CHD7: variants seen among roughly 807,000 people sequenced by gnomAD.
The protein encoded by CHD7 is chromodomain helicase DNA binding protein 7.
A neutral mutation model predicts 307.3 loss-of-function variants in CHD7; 24 were observed. That is an observed-to-expected ratio of 0.08 (90% CI 0.06 to 0.11). The LOEUF (loss-of-function observed/expected upper bound fraction) is 0.11. Ranked by LOEUF, CHD7 falls within the 10% of genes least tolerant of loss-of-function variation. The probability of loss-of-function intolerance (pLI) is 1.00; values close to 1 mark genes in which losing one functional copy is unlikely to be tolerated. For synonymous variants in CHD7, 1,363 were observed against 1,349.9 expected (o/e 1.01, Z -0.21); for missense variants, 3,106 against 3,727.1 (o/e 0.83, Z 4.34).
In CHD7 at chr8:60,801,560, A is replaced by C; in HGVS notation, c.2409A>C (p.Glu803Asp). 1.3e-6 allele frequency: 2 copies of C among 1,575,870 alleles called. No homozygotes were observed. Among genetic ancestry groups the C allele is most frequent in the Non-Finnish European group, 1.7e-6 (2 of 1,159,364 alleles). The change falls in exon 6 of 38, where the codon GAA (glutamate) becomes GAC (aspartate). Residue 803 changes from glutamate (E) to aspartate (D), a missense_variant. Glu to Asp is a conservative substitution (Grantham distance 45). Transcript: ENST00000423902. ...TTGATGCAGAAGGCCCAGTGGTAGA[A>C]AAAATTATGAGCAGTCGTTCAGTAA... ...ESVDAEGPVV[E>D]KIMSSRSVKK...
intron 8 of CHD7, among the ~76,000 whole-genome samples, chr8:60,817,294 G>A (rs1483255749): frequency 6.6e-6 from 1 of 152,180 alleles, no homozygotes; most frequent in Non-Finnish European, 1.5e-5. Context: ...TAGACTTTAT[G>A]TAAAAGAAGC....
intron 2 of CHD7, among the ~76,000 whole-genome samples, chr8:60,773,586 G>T (rs1246626712): frequency 6.6e-6 from 1 of 152,188 alleles, no homozygotes; most frequent in Non-Finnish European, 1.5e-5. Context: ...TTCCTAAGAA[G>T]TAGCAATGAA....
intron 29 of CHD7, 23 bp from the exon 30 acceptor site, chr8:60,852,475 A>G: frequency 1.9e-6 from 3 of 1,593,446 alleles, no homozygotes; most frequent in East Asian, 2.2e-5. Flanking sequence ...GTATGATGCA[A>G]GCTAATATAA....
chr8:60,812,959 A>G, intron 7 of CHD7, among the ~76,000 whole-genome samples: 1 of 152,124 alleles, frequency 6.6e-6, no homozygotes, highest in South Asian at 2.1e-4. Flanking sequence ...GTTTAGCCCC[A>G]TATAAATGCC....
At chr8:60,758,025 GT>G (rs1343000389) in intron 2 of CHD7, among the ~76,000 whole-genome samples, 1 of 152,016 alleles carries the variant, frequency 6.6e-6, no homozygotes, top group African/African-American at 2.4e-5. Context: ...TTTATCTGTT[GT>G]TATTTACCAT....
rs536322411 is a variant in CHD7, at chr8:60,705,756, G to A, written c.-175+26674G>A. ...AAAAATAAAGTATAAAGATAATGGT[G>A]ATGCATGTAGAAGAGAAACAGGGAG... is the stretch of plus-strand genomic sequence containing the variant. On this transcript the variant is annotated intron_variant, in intron 1 of 37. Transcript: ENST00000423902. Among the ~76,000 whole-genome samples, 3 of 152,332 alleles carry A rather than the reference G, an allele frequency of 2.0e-5. 1 individual carries two copies. In the South Asian group the frequency reaches 6.2e-4, roughly 32 times the overall value.
Position 60,856,003 on chromosome 8 carries a change from A to G in CHD7, c.6965A>G (p.Asn2322Ser), listed in dbSNP as rs201470035. 719 of 1,610,170 alleles carry G rather than the reference A, an allele frequency of 4.5e-4. No homozygotes were observed. Among genetic ancestry groups the G allele is most frequent in the Non-Finnish European group, 5.9e-4 (692 of 1,178,082 alleles). ...AGAGTAATGATAAACCGCTTAGACA[A>G]CATCTGTGAAGCAGTGTTGAAAGGC... ...KDRVMINRLD[N>S]ICEAVLKGKW... Residue 2322 changes from asparagine to serine, a missense_variant, in exon 33 of 38, where the codon AAC becomes AGC. Around this residue, in one of 10 missense-constraint regions of CHD7, gnomAD observed 1,030 missense variants for 1,165.4 expected, o/e 0.88. Coordinates refer to ENST00000423902, the MANE Select transcript of CHD7 (RefSeq NM_017780.4).
intron 3 of CHD7, among the ~76,000 whole-genome samples, chr8:60,792,813 C>T (rs766746627): frequency 6.6e-6 from 1 of 152,176 alleles, no homozygotes; most frequent in African/African-American, 2.4e-5. Flanking sequence ...CTGTGAAAAG[C>T]GCGAGCTGCC....
chr8:60,796,406 A>G (rs1040505080), intron 4 of CHD7, among the ~76,000 whole-genome samples: 9 of 152,016 alleles, frequency 5.9e-5, no homozygotes, highest in Admixed American at 5.2e-4. Flanking sequence ...TTTGAGTTTT[A>G]TTTTTATCCG....
In CHD7 at chr8:60,822,686, T is replaced by C; in HGVS notation, c.3141T>C (p.His1047=). ...CAGAGTTGAACGTGGTTGTGTATCA[T>C]GGGAGTCAAGCTAGTCGTCGGACCA... The part of the protein sequence containing the change: ...TWTELNVVVY[H]GSQASRRTIQ... Residue 1047 remains histidine, a synonymous_variant, in exon 12 of 38, where the codon CAT becomes CAC. Transcript: ENST00000423902. 6.2e-7 allele frequency: 1 copy of C among 1,613,802 alleles called. No individual in the cohort carries two copies. The highest frequency in any genetic ancestry group is 8.5e-7 in the Non-Finnish European group (1 of 1,179,740).
intron 1 of CHD7, among the ~76,000 whole-genome samples, chr8:60,736,091 G>A (rs1808691868): frequency 6.6e-6 from 1 of 152,220 alleles, no homozygotes; most frequent in African/African-American, 2.4e-5. Flanking sequence ...GGCCAACCCA[G>A]GGGGTTCAGG....
chr8:60,866,354 C>A lies in CHD7; in HGVS notation c.*421C>A, dbSNP rs1806242475. 2 of 153,852 alleles carry A rather than the reference C, an allele frequency of 1.3e-5. No homozygotes were observed. The highest frequency in any genetic ancestry group is 2.0e-4 in the South Asian group (1 of 4,914). 9.5% of individuals were successfully genotyped at this position (153,852 alleles called of 1,614,324 possible). On this transcript the variant is annotated 3_prime_UTR_variant, in exon 38 of 38. Coordinates refer to ENST00000423902, the MANE Select transcript of CHD7 (RefSeq NM_017780.4). ...TAATTTTTTTGCTGTGAAGGTCAAG[C>A]TGAAATTTACCATACATATCATACT...
chr8:60,800,633 A>C lies in CHD7; in HGVS notation c.2376+108A>C, dbSNP rs546196022. 8 of 1,092,312 alleles carry C rather than the reference A, an allele frequency of 7.3e-6. No individual in the cohort carries two copies. In the South Asian group the frequency reaches 1.4e-4, roughly 19 times the overall value. The allele number at this position is 1,092,312 out of a possible 1,614,324, so 67.7% of individuals were successfully genotyped here. A position where few individuals can be genotyped will look rare whatever the true frequency, so the allele number is the denominator to read the frequency against. On this transcript the variant is annotated intron_variant, in intron 5 of 37. Transcript: ENST00000423902. Reference sequence around the variant, plus strand: ...GGAAGCATTGGACTTTCAGCAGGGGAACATCCACCTAATGTTGGATAATGT... The same window carrying C: ...GGAAGCATTGGACTTTCAGCAGGGGCACATCCACCTAATGTTGGATAATGT...
chr8:60,720,807 C>T (rs1212758156), intron 1 of CHD7, among the ~76,000 whole-genome samples: 1 of 152,172 alleles, frequency 6.6e-6, no homozygotes, highest in South Asian at 2.1e-4. Flanking sequence ...ATTAAATGAA[C>T]GAGTGCATCT....
intron 13 of CHD7, among the ~76,000 whole-genome samples, chr8:60,827,511 T>C (rs1804307813): frequency 1.3e-5 from 2 of 152,172 alleles, no homozygotes; most frequent in Admixed American, 1.3e-4. Flanking sequence ...ATGTCAGCGA[T>C]TGTGGCCCAG....
chr8:60,860,935 A>G lies in CHD7; in HGVS notation c.7640A>G (p.Glu2547Gly). The G allele has an allele frequency of 1.2e-6, 2 of 1,613,758 alleles. No homozygotes were observed. The highest frequency in any genetic ancestry group is 1.7e-6 in the Non-Finnish European group (2 of 1,179,826). ...GCTGAGGTGACCAAAGCTTTTGAAG[A>G]AGATATAGAGACCCCACCAACAAGA... ...EDAEVTKAFE[E>G]DIETPPTRNI... is the part of the protein sequence containing the mutation. The change falls in exon 35 of 38, where the codon GAA (glutamate) becomes GGA (glycine). Residue 2547 changes from glutamate (E) to glycine (G), a missense_variant. Transcript: ENST00000423902.
chr8:60,862,720 T>A, intron 37 of CHD7, 68 bp downstream of exon 37: 1 of 1,074,458 alleles, frequency 9.3e-7, no homozygotes, highest in Non-Finnish European at 1.4e-6. Context: ...GTCTTTCTTA[T>A]TTTCTGTTGG....
chr8:60,830,631 T>C, intron 15 of CHD7, 54 bp downstream of exon 15: 3 of 1,586,058 alleles, frequency 1.9e-6, no homozygotes, highest in Non-Finnish European at 2.6e-6. Flanking sequence ...GCACCAGAAA[T>C]CCCTTTCTGC....
Position 60,856,135 on chromosome 8 carries a change from T to C in CHD7, c.7097T>C (p.Leu2366Pro), listed in dbSNP as rs541818422. 3.1e-6 allele frequency: 5 copies of C among 1,609,150 alleles called. No homozygotes were observed. In the South Asian group the frequency reaches 4.4e-5, roughly 14 times the overall value. Reference sequence around the variant, plus strand: ...TTGCAGAAGAGGAGCTTTGCTGAGCTCTCCATGGTCGGCCAAGCCAGCATT... The same window carrying C: ...TTGCAGAAGAGGAGCTTTGCTGAGCCCTCCATGGTCGGCCAAGCCAGCATT... ...SPLQKRSFAE[L>P]SMVGQASISG... The change falls in exon 33 of 38, where the codon CTC becomes CCC. Residue 2366 changes from leucine (L) to proline (P), a missense_variant. Coordinates refer to ENST00000423902, the MANE Select transcript of CHD7 (RefSeq NM_017780.4).
Sources: gnomAD v4.1 joint callset for allele counts (sites outside exome capture counted in the v4.1 genomes callset) on GRCh38, gnomAD v4.1.1 for gene constraint, gnomAD v4.1.1 regional missense constraint, MANE v1.5 for transcripts, NCBI Gene and HGNC (gene_info 2026-07-23, HGNC 2026-07-21) for gene names.